Variants in SPINK5 observed in about 807,000 individuals in gnomAD.
SPINK5 encodes the protein serine peptidase inhibitor Kazal type 5, also known as serine protease inhibitor Kazal-type 5.
Under a neutral mutation model 151.8 loss-of-function variants are expected in SPINK5, and 125 were observed. That is an observed-to-expected ratio of 0.82 (90% confidence interval 0.71 to 0.96). The LOEUF (loss-of-function observed/expected upper bound fraction) is 0.96, where lower values mean the gene tolerates loss of function less well. Ranked by LOEUF, SPINK5 falls within the 40% of genes least tolerant of loss-of-function variation. SPINK5 has a pLI of 0.00. For synonymous variants in SPINK5, 374 were observed against 395.3 expected (o/e 0.95, Z 0.64); for missense variants, 1,194 against 1,291.9 (o/e 0.92, Z 1.16).
intron 2 of SPINK5, among the ~76,000 whole-genome samples, chr5:148,068,839 G>A (rs9325065): frequency 0.47 from 71,213 of 151,842 alleles, 17,350 homozygotes; most frequent in Admixed American, 0.59. Flanking sequence ...AGTGGCTCAT[G>A]CTTGTAATTC....
chr5:148,112,752 G>T, intron 19 of SPINK5, 116 bp from the exon 20 acceptor site: 1 of 1,510,824 alleles, frequency 6.6e-7, no homozygotes, highest in Non-Finnish European at 9.0e-7. Context: ...CCACTCCAAA[G>T]CTAAGTTGGT....
chr5:148,070,460 G>T lies in SPINK5; in HGVS notation c.209+10G>T. On this transcript the variant is annotated intron_variant, in intron 3 of 32. Transcript: ENST00000256084. ...CGTGCAAAATGATACTGTGAGTAAA[G>T]GTTTCTTTCTTTCTTTCCAATGTTT... The T allele has an allele frequency of 6.2e-7, 1 of 1,611,906 alleles. No individual in the cohort carries two copies. Among genetic ancestry groups the T allele is most frequent in the Non-Finnish European group, 8.5e-7 (1 of 1,178,626 alleles).
chr5:148,080,836 C>T (rs532169046), intron 4 of SPINK5, among the ~76,000 whole-genome samples: 2 of 151,422 alleles, frequency 1.3e-5, no homozygotes, highest in Non-Finnish European at 3.0e-5. Context: ...CAAATGACAA[C>T]AAGAAGTCAA....
chr5:148,093,324 G>A (rs1407395869), intron 8 of SPINK5, among the ~76,000 whole-genome samples: 1 of 151,870 alleles, frequency 6.6e-6, no homozygotes, highest in Non-Finnish European at 1.5e-5. Context: ...CAGGAAATCT[G>A]AAAACAAATC....
Position 148,120,035 on chromosome 5 carries a change from A to G in SPINK5, c.2340A>G (p.Gln780=), listed in dbSNP as rs2113193128. The G allele has an allele frequency of 1.9e-6, 3 of 1,614,026 alleles. No homozygotes were observed. Among genetic ancestry groups the G allele is most frequent in the African/African-American group, 2.7e-5 (2 of 75,050 alleles). The change falls in exon 25 of 33, where the codon CAA becomes CAG. Residue 780 remains glutamine, a synonymous_variant. Coordinates refer to ENST00000256084, the MANE Select transcript of SPINK5 (RefSeq NM_006846.4). ...ATACATGTGATGAGTTTAGAAGCCA[A>G]ATGAAAAATGGAAAACTCATCTGCA... ...GKDTCDEFRS[Q]MKNGKLICTR...
intron 10 of SPINK5, among the ~76,000 whole-genome samples, chr5:148,096,637 A>G (rs989963724): frequency 6.6e-6 from 1 of 151,816 alleles, no homozygotes; most frequent in Non-Finnish European, 1.5e-5. Context: ...CCAGACTTCT[A>G]TGATGTGCAG....
intron 16 of SPINK5, among the ~76,000 whole-genome samples, 167 bp downstream of exon 16, chr5:148,105,167 G>A (rs1026437705): frequency 6.6e-6 from 1 of 152,148 alleles, no homozygotes; most frequent in Non-Finnish European, 1.5e-5. Context: ...AGTGTCCAGA[G>A]TACCAATTTT....
intron 6 of SPINK5, 90 bp downstream of exon 6, chr5:148,088,695 C>A (rs745822158): frequency 1.5e-6 from 2 of 1,290,434 alleles, no homozygotes; most frequent in Non-Finnish European, 2.2e-6. Context: ...TAGGTGGGAG[C>A]CTTGGAAGGA....
chr5:148,069,511 C>T (rs753868459), intron 2 of SPINK5, among the ~76,000 whole-genome samples: 10 of 148,804 alleles, frequency 6.7e-5, no homozygotes, highest in Non-Finnish European at 1.2e-4. Flanking sequence ...AAGCCTTATG[C>T]AATTATTGAG....
In SPINK5 at chr5:148,120,091, A is replaced by T; in HGVS notation, c.2396A>T (p.Asp799Val). The change falls in exon 25 of 33, where the codon GAT becomes GTT. Residue 799 changes from aspartate to valine, a missense_variant. Transcript: ENST00000256084. ...TRESDPVRGP[D>V]GKTHGNKCTM... ...GAAAGTGACCCTGTCCGGGGTCCAGATGGCAAGACACATGGCAATAAGTGT... is the reference window on the plus strand; with the variant it reads ...GAAAGTGACCCTGTCCGGGGTCCAGTTGGCAAGACACATGGCAATAAGTGT... The T allele has an allele frequency of 6.2e-7, 1 of 1,614,136 alleles. No homozygotes were observed. Among genetic ancestry groups the T allele is most frequent in the Non-Finnish European group, 8.5e-7 (1 of 1,179,964 alleles).
rs767012594 is a variant in SPINK5, at chr5:148,121,143, C to CAAAAA, written c.2538+772_2538+776dup. Reference sequence around the variant, plus strand: ...TGGGCGACAGAGCAAGACTCTGTCTCAAAAAAAAAAAAAAAAAAAAAAAAG... The same window carrying CAAAAA: ...TGGGCGACAGAGCAAGACTCTGTCTCAAAAAAAAAAAAAAAAAAAAAAAAAAAAAG... On this transcript the variant is annotated intron_variant, in intron 26 of 32. Transcript: ENST00000256084. Among the ~76,000 whole-genome samples the CAAAAA allele has an allele frequency of 7.0e-4, 48 of 68,568 alleles. 1 individual carries two copies. Among genetic ancestry groups the CAAAAA allele is most frequent in the East Asian group, 1.0e-3 (2 of 1,920 alleles). 45.0% of individuals were successfully genotyped at this position (68,568 alleles called of 152,430 possible).
At chr5:148,068,250 A>C (rs907418790) in intron 2 of SPINK5, among the ~76,000 whole-genome samples, 2 of 152,094 alleles carry the variant, frequency 1.3e-5, no homozygotes, top group African/African-American at 4.8e-5. Context: ...ATATTTAAGC[A>C]TGCCATCCTT....
intron 2 of SPINK5, among the ~76,000 whole-genome samples, chr5:148,068,451 C>T (rs10060214): frequency 0.7 from 105,843 of 150,384 alleles, 37,570 homozygotes; most frequent in East Asian, 0.91. Context: ...TATAGTAATC[C>T]AATAATAAGT....
chr5:148,089,255 T>C (rs759992323), intron 6 of SPINK5: 13 of 578,588 alleles, frequency 2.2e-5, no homozygotes, highest in Non-Finnish European at 4.2e-5. Context: ...CTGTGCTCTG[T>C]CTGAGTTCTG....
chr5:148,123,164 C>T (rs1161797544), intron 26 of SPINK5, among the ~76,000 whole-genome samples: 2 of 151,290 alleles, frequency 1.3e-5, no homozygotes, highest in Non-Finnish European at 2.9e-5. Flanking sequence ...GCCCAGGCAA[C>T]ACAGAGAGAC....
At chr5:148,125,078 C>A in intron 28 of SPINK5, 1 of 506,698 alleles carries the variant, frequency 2.0e-6, no homozygotes, top group Non-Finnish European at 3.2e-6. Context: ...AGTCTTTCCT[C>A]CTTGGGAGAA....
chr5:148,119,072 T>G lies in SPINK5; in HGVS notation c.2313+14T>G, dbSNP rs776051311. ...GAATCAGGGAAGGTGAGTTATTTTT[T>G]GGGTTTTGGCAAGAATCGTCTTTCT... On this transcript the variant is annotated intron_variant, in intron 24 of 32. Coordinates refer to ENST00000256084, the MANE Select transcript of SPINK5 (RefSeq NM_006846.4). The G allele has an allele frequency of 1.2e-6, 2 of 1,613,726 alleles. No individual in the cohort carries two copies. The highest frequency in any genetic ancestry group is 1.7e-6 in the Non-Finnish European group (2 of 1,179,712).
chr5:148,092,724 A>ATAC (rs1474397187), intron 8 of SPINK5, among the ~76,000 whole-genome samples: 1 of 151,900 alleles, frequency 6.6e-6, no homozygotes, highest in East Asian at 1.9e-4. Context: ...TTAATTTTTT[A>ATAC]TACCATGCTA....
chr5:148,119,715 T>C (rs1226183583), intron 24 of SPINK5, among the ~76,000 whole-genome samples: 1 of 152,222 alleles, frequency 6.6e-6, no homozygotes, highest in Non-Finnish European at 1.5e-5. Context: ...TAAGAACCTT[T>C]GTGATTACAT....
Sources: gnomAD v4.1 joint callset for allele counts (sites outside exome capture counted in the v4.1 genomes callset) on GRCh38, gnomAD v4.1.1 for gene constraint, MANE v1.5 for transcripts, NCBI Gene and HGNC (gene_info 2026-07-23, HGNC 2026-07-21) for gene names.